The following DDR1 variants were observed in gnomAD, a reference collection of about 807,000 sequenced individuals.
DDR1 encodes discoidin domain receptor tyrosine kinase 1.
DDR1 carries 64 observed loss-of-function variants against 97.4 expected under a neutral mutation model. That is an observed-to-expected ratio of 0.66 (90% CI 0.54 to 0.81). DDR1 has a LOEUF of 0.81. DDR1 is among the 30% of genes least tolerant of loss of function. The pLI, the probability that DDR1 is intolerant of heterozygous loss-of-function variation, is 0.00. For missense variants in DDR1, 990 were observed against 1,259.6 expected (o/e 0.79, Z 3.24); for synonymous variants, 458 against 503.7 (o/e 0.91, Z 1.21).
rs1787208233 is a variant in DDR1 at position 30,889,496 on chromosome 6, A to G, written c.417+66A>G. The G allele has an allele frequency of 8.5e-7, 1 of 1,173,102 alleles. No homozygotes were observed. Among genetic ancestry groups the G allele is most frequent in the Admixed American group, 2.9e-5 (1 of 34,834 alleles). The allele number at this position is 1,173,102 out of a possible 1,614,324, so 72.7% of individuals were successfully genotyped here. A position where few individuals can be genotyped will look rare whatever the true frequency, so the allele number is the denominator to read the frequency against. On this transcript the variant is annotated intron_variant, in intron 4 of 17. Transcript: ENST00000376568. This position sits in a 1 kb window ranked among gnomAD's most constrained non-coding sequence, Gnocchi z 4.9. ...CCTCACTTCCAGCTGTACTTTAAAC[A>G]CCACCTATACGCTGACGACTCTCCA...
chr6:30,887,207 T>A (rs1786171643), intron 1 of DDR1: 1 of 152,242 alleles, frequency 6.6e-6, no homozygotes. Context: ...TGGTCCAGGC[T>A]TATCTGATGT....
At position 30,889,243 on chromosome 6, in the gene DDR1, G is replaced by C; in HGVS notation, c.230G>C (p.Gly77Ala). The C allele has an allele frequency of 6.2e-7, 1 of 1,613,080 alleles. No homozygotes were observed. Among genetic ancestry groups the C allele is most frequent in the South Asian group, 1.1e-5 (1 of 91,084 alleles). The change falls in exon 4 of 18, where the codon GGG becomes GCG. Residue 77 changes from glycine (G) to alanine (A), a missense_variant. Coordinates refer to ENST00000376568, the MANE Select transcript of DDR1 (RefSeq NM_001297654.2). The surrounding 1 kb of genome is among the most constrained non-coding windows in gnomAD (Gnocchi z 4.9). Reference protein sequence around the residue: ...SDGDGAWCPAGSVFPKEEEYL... With the variant: ...SDGDGAWCPAASVFPKEEEYL... ...GGGGATGGGGCCTGGTGCCCCGCAG[G>C]GTCGGTGTTTCCCAAGGAGGAGGAG...
In DDR1 at chr6:30,890,948, C is replaced by G. The variant is rs544616376; in HGVS notation, c.418-25C>G. ...AGATCTGACCTGGACTCCATCCCACCCACCCCCTGTTTCCTGGCCCACAGG... is the reference window on the plus strand; with the variant it reads ...AGATCTGACCTGGACTCCATCCCACGCACCCCCTGTTTCCTGGCCCACAGG... On this transcript the variant is annotated intron_variant, in intron 4 of 17. Coordinates refer to ENST00000376568, the MANE Select transcript of DDR1 (RefSeq NM_001297654.2). This position sits in a 1 kb window ranked among gnomAD's most constrained non-coding sequence, Gnocchi z 5.0. 60 of 1,564,806 alleles carry G rather than the reference C, an allele frequency of 3.8e-5. No individual in the cohort carries two copies. The South Asian group carries it at 6.9e-4, about 18-fold the overall frequency.
chr6:30,890,814 A>G lies in DDR1; in HGVS notation c.418-159A>G, dbSNP rs1355453294. 3.1e-6 allele frequency: 2 copies of G among 645,782 alleles called. No homozygotes were observed. The highest frequency in any genetic ancestry group is 3.2e-5 in the East Asian group (1 of 31,618). 40.0% of individuals were successfully genotyped at this position (645,782 alleles called of 1,614,324 possible). A position where few individuals can be genotyped will look rare whatever the true frequency, so the allele number is the denominator to read the frequency against. ...GGTCTCAGCTGCAGATCTTCATTTC[A>G]CCCATGCCTGGCTGCGCCCCACAGT... On this transcript the variant is annotated intron_variant, in intron 4 of 17. Transcript: ENST00000376568. The surrounding 1 kb of genome is among the most constrained non-coding windows in gnomAD (Gnocchi z 5.0).
Position 30,888,399 on chromosome 6 carries a change from A to G in DDR1, c.-42-289A>G. On this transcript the variant is annotated intron_variant, in intron 1 of 17. Coordinates refer to ENST00000376568, the MANE Select transcript of DDR1 (RefSeq NM_001297654.2). This position sits in a 1 kb window ranked among gnomAD's most constrained non-coding sequence, Gnocchi z 4.2. ...TGATTGGAGAAATGGGGCTTTAGGA[A>G]GTTATTTAACTGATCTCTGCCCTAG... is the stretch of plus-strand genomic sequence containing the variant. 1 of 386,012 alleles carries G rather than the reference A, an allele frequency of 2.6e-6. No homozygotes were observed. The highest frequency in any genetic ancestry group is 4.6e-6 in the Non-Finnish European group (1 of 216,326). The allele number at this position is 386,012 out of a possible 1,614,324, so 23.9% of individuals were successfully genotyped here.
chr6:30,895,369 C>T lies in DDR1; in HGVS notation c.1514-35C>T, dbSNP rs765600208. 1.0e-5 allele frequency: 16 copies of T among 1,537,680 alleles called. No individual in the cohort carries two copies. In the African/African-American group the frequency reaches 1.8e-4, roughly 17 times the overall value. On this transcript the variant is annotated intron_variant, in intron 11 of 17. Coordinates refer to ENST00000376568, the MANE Select transcript of DDR1 (RefSeq NM_001297654.2). ...GTCTGTCTAGCCTTGAGTCTCATCC[C>T]TTCCCCGTGTTTCCCCTCCTCCTTC...
rs199740590 is a variant in DDR1 at position 30,894,606 on chromosome 6, C to T, written c.1448C>T (p.Pro483Leu). 2.3e-5 allele frequency: 37 copies of T among 1,613,374 alleles called. No individual in the cohort carries two copies. The highest frequency in any genetic ancestry group is 2.7e-5 in the Non-Finnish European group (32 of 1,179,640). Residue 483 changes from proline (P) to leucine (L), a missense_variant, in exon 11 of 18, where the codon CCG becomes CTG. Physicochemically the swap from Pro to Leu is moderately conservative, Grantham distance 98. Coordinates refer to ENST00000376568, the MANE Select transcript of DDR1 (RefSeq NM_001297654.2). The surrounding 1 kb of genome is among the most constrained non-coding windows in gnomAD (Gnocchi z 5.7). ...NNRPGPREPP[P>L]YQEPRPRGNP... The stretch of plus-strand genomic sequence containing the variant: ...CGCCCAGGTCCTAGAGAGCCACCCC[C>T]GTACCAGGAGCCCCGGCCTCGTGGG...
At position 30,892,435 on chromosome 6, in the gene DDR1, C is replaced by G. The variant is rs1788835839; in HGVS notation, c.992C>G (p.Ala331Gly). ...GGGGGCAACCTGGGGGACCCCAGAG[C>G]CCGGGCTGTCTCAGTGCCCCTTGGC... The part of the protein sequence containing the change: ...NLGGNLGDPR[A>G]RAVSVPLGGR... Residue 331 changes from alanine to glycine, a missense_variant, in exon 8 of 18, where the codon GCC (alanine) becomes GGC (glycine). Physicochemically the swap from Ala to Gly is moderately conservative, Grantham distance 60. Transcript: ENST00000376568. 1.2e-6 allele frequency: 2 copies of G among 1,607,302 alleles called. No homozygotes were observed. The highest frequency in any genetic ancestry group is 1.7e-6 in the Non-Finnish European group (2 of 1,179,434).
Position 30,894,377 on chromosome 6 carries a change from G to A in DDR1, c.1348-129G>A. The A allele has an allele frequency of 2.5e-6, 2 of 802,882 alleles. No homozygotes were observed. Among genetic ancestry groups the A allele is most frequent in the East Asian group, 5.9e-5 (2 of 34,144 alleles). 49.7% of individuals were successfully genotyped at this position (802,882 alleles called of 1,614,324 possible). Reference sequence around the variant, plus strand: ...CTTCACTTTCTCTGCCTGTAAGATGGTGCTGATAGTATCCACAGCTGTAGG... The same window carrying A: ...CTTCACTTTCTCTGCCTGTAAGATGATGCTGATAGTATCCACAGCTGTAGG... On this transcript the variant is annotated intron_variant, in intron 10 of 17. Coordinates refer to ENST00000376568, the MANE Select transcript of DDR1 (RefSeq NM_001297654.2). The surrounding 1 kb of genome is among the most constrained non-coding windows in gnomAD (Gnocchi z 5.7).
chr6:30,890,664 T>A lies in DDR1; in HGVS notation c.418-309T>A, dbSNP rs1210224917. ...AGGCAGGGGTGCAGGGCTGTGAGGA[T>A]TGGGGAGAATCTGGGCACAATGGGA... On this transcript the variant is annotated intron_variant, in intron 4 of 17. Coordinates refer to ENST00000376568, the MANE Select transcript of DDR1 (RefSeq NM_001297654.2). This position sits in a 1 kb window ranked among gnomAD's most constrained non-coding sequence, Gnocchi z 5.0. The A allele has an allele frequency of 2.9e-6, 1 of 348,934 alleles. No homozygotes were observed. The highest frequency in any genetic ancestry group is 2.1e-5 in the African/African-American group (1 of 46,986). 21.6% of individuals were successfully genotyped at this position (348,934 alleles called of 1,614,324 possible). A position where few individuals can be genotyped will look rare whatever the true frequency, so the allele number is the denominator to read the frequency against.
rs1260924138 is a variant in DDR1 at position 30,897,778 on chromosome 6, G to C, written c.2216+181G>C. On this transcript the variant is annotated intron_variant, in intron 15 of 17. Transcript: ENST00000376568. The surrounding 1 kb of genome is among the most constrained non-coding windows in gnomAD (Gnocchi z 5.2). ...CCCAGGAACATGGACAGAAAGGCTG[G>C]AGGTGACTATGCAAGAGTGGTGAAG... is the stretch of plus-strand genomic sequence containing the variant. Among the ~76,000 whole-genome samples the C allele has an allele frequency of 1.3e-5, 2 of 152,220 alleles. No homozygotes were observed. Among genetic ancestry groups the C allele is most frequent in the African/African-American group, 4.8e-5 (2 of 41,454 alleles).
rs995546333 is a variant in DDR1, at chr6:30,888,464, C to T, written c.-42-224C>T. 1.7e-6 allele frequency: 1 copy of T among 582,394 alleles called. No individual in the cohort carries two copies. The highest frequency in any genetic ancestry group is 1.9e-5 in the African/African-American group (1 of 53,746). 36.1% of individuals were successfully genotyped at this position (582,394 alleles called of 1,614,324 possible). On this transcript the variant is annotated intron_variant, in intron 1 of 17. Coordinates refer to ENST00000376568, the MANE Select transcript of DDR1 (RefSeq NM_001297654.2). The surrounding 1 kb of genome is among the most constrained non-coding windows in gnomAD (Gnocchi z 4.2). Reference sequence around the variant, plus strand: ...AAATATGGATAGTAATAGTATCTACCTTATGAAGTGACTGTGAAGATAAAA... The same window carrying T: ...AAATATGGATAGTAATAGTATCTACTTTATGAAGTGACTGTGAAGATAAAA...
chr6:30,893,115 G>C lies in DDR1; in HGVS notation c.1147G>C (p.Ala383Pro), dbSNP rs1416694443. The change falls in exon 9 of 18, where the codon GCC becomes CCC. Residue 383 changes from alanine to proline, a missense_variant. Coordinates refer to ENST00000376568, the MANE Select transcript of DDR1 (RefSeq NM_001297654.2). ...SPALGGTFPP[A>P]PWWPPGPPPT... ...GGCACTGGGAGGCACCTTCCCGCCA[G>C]CCCCCTGGTGGCCGCCTGGCCCACC... is the stretch of plus-strand genomic sequence containing the variant. 2 of 1,611,562 alleles carry C rather than the reference G, an allele frequency of 1.2e-6. No homozygotes were observed. The highest frequency in any genetic ancestry group is 1.7e-6 in the Non-Finnish European group (2 of 1,179,914).
rs932314365 is a variant in DDR1 at position 30,897,269 on chromosome 6, T to G, written c.1998-110T>G. 1.8e-5 allele frequency: 16 copies of G among 889,576 alleles called. No individual in the cohort carries two copies. The highest frequency in any genetic ancestry group is 2.3e-5 in the Non-Finnish European group (16 of 703,572). The allele number at this position is 889,576 out of a possible 1,614,324, so 55.1% of individuals were successfully genotyped here. A position where few individuals can be genotyped will look rare whatever the true frequency, so the allele number is the denominator to read the frequency against. On this transcript the variant is annotated intron_variant, in intron 14 of 17. Transcript: ENST00000376568. This position sits in a 1 kb window ranked among gnomAD's most constrained non-coding sequence, Gnocchi z 5.2. ...TCTGGGAGGGGATTTACATGTACGC[T>G]GGGGGTGGGGACGCCTGGTCTGCCT...
In DDR1 at chr6:30,891,962, T is replaced by A. The variant is rs1374998710; in HGVS notation, c.666-40T>A. 1.2e-6 allele frequency: 2 copies of A among 1,609,048 alleles called. No individual in the cohort carries two copies. The highest frequency in any genetic ancestry group is 1.7e-6 in the Non-Finnish European group (2 of 1,176,652). The stretch of plus-strand genomic sequence containing the variant: ...GAATGCCTGGATGTCAAGACCCTCT[T>A]CCCTTCCAACCTCCTCTTCCTTGGT... On this transcript the variant is annotated intron_variant, in intron 6 of 17. Coordinates refer to ENST00000376568, the MANE Select transcript of DDR1 (RefSeq NM_001297654.2). The surrounding 1 kb of genome is among the most constrained non-coding windows in gnomAD (Gnocchi z 5.3).
rs1219800977 is a variant in DDR1, at chr6:30,896,773, C to T, written c.1777C>T (p.Pro593Ser). 2 of 1,585,728 alleles carry T rather than the reference C, an allele frequency of 1.3e-6. No homozygotes were observed. The highest frequency in any genetic ancestry group is 3.4e-4 in the Middle Eastern group (2 of 5,924). The change falls in exon 13 of 18, where the codon CCA becomes TCA. Residue 593 changes from proline to serine, a missense_variant. By Grantham distance (74) the Pro-to-Ser change is moderately conservative. Coordinates refer to ENST00000376568, the MANE Select transcript of DDR1 (RefSeq NM_001297654.2). Reference protein sequence around the residue: ...GNTYAVPALPPGAVGDGPPRV... With the variant: ...GNTYAVPALPSGAVGDGPPRV... ...CACCTATGCTGTGCCTGCACTGCCCCCAGGGGCAGTCGGGGATGGGCCCCC... is the reference window on the plus strand; with the variant it reads ...CACCTATGCTGTGCCTGCACTGCCCTCAGGGGCAGTCGGGGATGGGCCCCC...
At position 30,899,955 on chromosome 6, in the gene DDR1, G is replaced by T; in HGVS notation, c.*659G>T. 1.8e-6 allele frequency: 1 copy of T among 561,768 alleles called. No individual in the cohort carries two copies. Among genetic ancestry groups the T allele is most frequent in the African/African-American group, 1.9e-5 (1 of 54,002 alleles). 34.8% of individuals were successfully genotyped at this position (561,768 alleles called of 1,614,324 possible). On this transcript the variant is annotated 3_prime_UTR_variant, in exon 18 of 18. Transcript: ENST00000376568. ...CTGTGGAGTAAATATTGGGATTGGG[G>T]GGAAAGAGGGAGCAACGGCCCATAG...
upstream of DDR1, chr6:30,883,817 CT>C: frequency 6.5e-6 from 1 of 152,840 alleles, no homozygotes; most frequent in Non-Finnish European, 1.5e-5. The surrounding 1 kb of genome is among the most constrained non-coding windows in gnomAD (Gnocchi z 4.9). Flanking sequence ...GTGGGCCCGC[CT>C]TCAGGGTCTG....
At chr6:30,885,404 G>A (rs1415994496) in intron 1 of DDR1, 7 of 890,330 alleles carry the variant, frequency 7.9e-6, no homozygotes, top group Non-Finnish European at 1.0e-5. Context: ...AGGGGAGTGA[G>A]TGGAAAGGCA....
Sources: allele counts gnomAD v4.1 joint callset (sites outside exome capture counted in the v4.1 genomes callset), GRCh38; gene constraint gnomAD v4.1.1; non-coding constraint Gnocchi (gnomAD v3.1); transcripts MANE v1.5; gene names NCBI Gene and HGNC (gene_info 2026-07-23, HGNC 2026-07-21).